AGPAT4: variants seen among roughly 807,000 people sequenced by gnomAD.
The protein encoded by AGPAT4 is 1-acylglycerol-3-phosphate O-acyltransferase 4, also known as 1-acyl-sn-glycerol-3-phosphate acyltransferase delta.
In AGPAT4, 15 loss-of-function variants were observed where a neutral mutation model predicts 48.0. The ratio of observed to expected loss-of-function variants is 0.31; its 90% CI spans 0.21 to 0.48. The LOEUF (loss-of-function observed/expected upper bound fraction) is 0.48. AGPAT4 is among the 20% of genes least tolerant of loss of function. AGPAT4 has a pLI of 0.99. For synonymous variants in AGPAT4, 178 were observed against 198.7 expected (o/e 0.90, Z 0.88); for missense variants, 314 against 482.5 (o/e 0.65, Z 3.27).
chr6:161,262,056 G>A lies in AGPAT4; in HGVS notation c.-90+11882C>T, dbSNP rs769166091. Among the ~76,000 whole-genome samples the A allele has an allele frequency of 1.8e-4, 28 of 152,128 alleles. No homozygotes were observed. The highest frequency in any genetic ancestry group is 4.1e-4 in the South Asian group (2 of 4,826). ...TGCCTGGTACATCATCTTAAATGTC[G>A]CTGTGGTCATCATTATCATCACTGT... On this transcript the variant is annotated intron_variant, in intron 1 of 8. Transcript: ENST00000320285. This position sits in a 1 kb window ranked among gnomAD's most constrained non-coding sequence, Gnocchi z 4.9.
rs1385855886 is a variant in AGPAT4 at position 161,232,202 on chromosome 6, C to T, written c.12G>A (p.Ala4=). The change falls in exon 2 of 9, where the codon GCG becomes GCA. Residue 4 remains alanine, a synonymous_variant. Coordinates refer to ENST00000320285, the MANE Select transcript of AGPAT4 (RefSeq NM_020133.3). The surrounding 1 kb of genome is among the most constrained non-coding windows in gnomAD (Gnocchi z 6.8). MDL[A]GLLKSQFLCH... ...ACAGGAACTGAGACTTCAGCAGTCC[C>T]GCGAGGTCCATGATGCGTGGACGCT... 4 of 1,613,764 alleles carry T rather than the reference C, an allele frequency of 2.5e-6. No individual in the cohort carries two copies. Among genetic ancestry groups the T allele is most frequent in the Admixed American group, 1.7e-5 (1 of 59,994 alleles).
rs1445506974 is a variant in AGPAT4 at position 161,180,344 on chromosome 6, T to A, written c.179-13927A>T. 6.6e-6 allele frequency among the ~76,000 whole-genome samples: 1 copy of A among 152,194 alleles called. No individual in the cohort carries two copies. The highest frequency in any genetic ancestry group is 1.5e-5 in the Non-Finnish European group (1 of 68,038). On this transcript the variant is annotated intron_variant, in intron 2 of 8. Coordinates refer to ENST00000320285, the MANE Select transcript of AGPAT4 (RefSeq NM_020133.3). The surrounding 1 kb of genome is among the most constrained non-coding windows in gnomAD (Gnocchi z 6.4). The stretch of plus-strand genomic sequence containing the variant: ...ACTAAAACAGGGGAGGCAAGGACCC[T>A]GTAGGAAAGACCTCACAATCCAAAC...
chr6:161,177,376 C>G lies in AGPAT4; in HGVS notation c.179-10959G>C, dbSNP rs1010006693. ...TTCTTTCTCTAAACTTCTCTTCTCG[C>G]TTCATTTCATTAATTTGATCTTCAA... On this transcript the variant is annotated intron_variant, in intron 2 of 8. Coordinates refer to ENST00000320285, the MANE Select transcript of AGPAT4 (RefSeq NM_020133.3). The surrounding 1 kb of genome is among the most constrained non-coding windows in gnomAD (Gnocchi z 5.0). Among the ~76,000 whole-genome samples the G allele has an allele frequency of 6.6e-6, 1 of 152,208 alleles. No homozygotes were observed. The highest frequency in any genetic ancestry group is 1.5e-5 in the Non-Finnish European group (1 of 68,046).
chr6:161,205,638 G>A (rs2115014096), intron 2 of AGPAT4, among the ~76,000 whole-genome samples: 1 of 151,692 alleles, frequency 6.6e-6, no homozygotes, highest in East Asian at 1.9e-4. Context: ...ACTTTCAGGG[G>A]GAAAAGCAGT....
chr6:161,174,597 G>T (rs1164236153), intron 2 of AGPAT4, among the ~76,000 whole-genome samples: 1 of 152,132 alleles, frequency 6.6e-6, no homozygotes, highest in African/African-American at 2.4e-5. Flanking sequence ...TGCAAACAGG[G>T]ACAATTTGAC....
chr6:161,203,656 C>T (rs1467077351), intron 2 of AGPAT4, among the ~76,000 whole-genome samples: 1 of 152,082 alleles, frequency 6.6e-6, no homozygotes, highest in Non-Finnish European at 1.5e-5. Flanking sequence ...CCTCAACCTC[C>T]CAAAGTGCTG....
chr6:161,249,353 G>C lies in AGPAT4; in HGVS notation c.-89-17051C>G, dbSNP rs746932965. Among the ~76,000 whole-genome samples, 2 of 152,118 alleles carry C rather than the reference G, an allele frequency of 1.3e-5. No individual in the cohort carries two copies. Among genetic ancestry groups the C allele is most frequent in the Non-Finnish European group, 2.9e-5 (2 of 68,028 alleles). ...ACTAAAGAGCTTCTACACAGCAAAG[G>C]AAACTATCAACTAAGTGAACAGACA... On this transcript the variant is annotated intron_variant, in intron 1 of 8. Coordinates refer to ENST00000320285, the MANE Select transcript of AGPAT4 (RefSeq NM_020133.3). The surrounding 1 kb of genome is among the most constrained non-coding windows in gnomAD (Gnocchi z 6.2).
In AGPAT4 at chr6:161,212,578, G is replaced by C. The variant is rs1781548859; in HGVS notation, c.178+19458C>G. On this transcript the variant is annotated intron_variant, in intron 2 of 8. Coordinates refer to ENST00000320285, the MANE Select transcript of AGPAT4 (RefSeq NM_020133.3). This position sits in a 1 kb window ranked among gnomAD's most constrained non-coding sequence, Gnocchi z 6.1. ...TTGTATTTGTATAAATATGTTATTGGTATGTGTTCCAAAATCAGGGTAAAC... is the reference window on the plus strand; with the variant it reads ...TTGTATTTGTATAAATATGTTATTGCTATGTGTTCCAAAATCAGGGTAAAC... Among the ~76,000 whole-genome samples, 1 of 152,046 alleles carries C rather than the reference G, an allele frequency of 6.6e-6. No individual in the cohort carries two copies. The highest frequency in any genetic ancestry group is 1.5e-5 in the Non-Finnish European group (1 of 68,008).
At chr6:161,185,861 G>C (rs1780753522) in intron 2 of AGPAT4, among the ~76,000 whole-genome samples, 1 of 152,096 alleles carries the variant, frequency 6.6e-6, no homozygotes, top group Non-Finnish European at 1.5e-5. Flanking sequence ...GGTCATGCCT[G>C]GATTTTCTTT....
chr6:161,219,908 CAGGCAGGCGGCAGGCAGGCA>C lies in AGPAT4; in HGVS notation c.178+12108_178+12127del, dbSNP rs1162123440. Among the ~76,000 whole-genome samples the C allele has an allele frequency of 8.0e-6, 1 of 124,766 alleles. No homozygotes were observed. The highest frequency in any genetic ancestry group is 3.1e-5 in the African/African-American group (1 of 32,028). The allele number at this position is 124,766 out of a possible 152,430, so 81.9% of individuals were successfully genotyped here. A position where few individuals can be genotyped will look rare whatever the true frequency, so the allele number is the denominator to read the frequency against. ...GCAGGCAGGCAGGCAGGCAGGCAGGCAGGCAGGCGGCAGGCAGGCAGGCAGGCAGGCAGGCAGGCAGACAG... is the reference window on the plus strand; with the variant it reads ...GCAGGCAGGCAGGCAGGCAGGCAGGCGGCAGGCAGGCAGGCAGGCAGACAG... On this transcript the variant is annotated intron_variant, in intron 2 of 8. Transcript: ENST00000320285. The surrounding 1 kb of genome is among the most constrained non-coding windows in gnomAD (Gnocchi z 4.9).
chr6:161,248,365 G>T (rs1782718606), intron 1 of AGPAT4, among the ~76,000 whole-genome samples: 1 of 152,064 alleles, frequency 6.6e-6, no homozygotes, highest in South Asian at 2.1e-4. Context: ...ATGAGGTCAG[G>T]AGATCGAGAC....
rs1455380041 is a variant in AGPAT4 at position 161,219,897 on chromosome 6, A to AGGC, written c.178+12136_178+12138dup. ...TAGGCAGGCAGGCAGGCAGGCAGGC[A>AGGC]GGCAGGCAGGCAGGCAGGCGGCAGG... On this transcript the variant is annotated intron_variant, in intron 2 of 8. Transcript: ENST00000320285. The surrounding 1 kb of genome is among the most constrained non-coding windows in gnomAD (Gnocchi z 4.9). 3.6e-5 allele frequency among the ~76,000 whole-genome samples: 5 copies of AGGC among 138,290 alleles called. No individual in the cohort carries two copies. Among genetic ancestry groups the AGGC allele is most frequent in the African/African-American group, 1.5e-4 (5 of 32,712 alleles). 90.7% of individuals were successfully genotyped at this position (138,290 alleles called of 152,430 possible). A position where few individuals can be genotyped will look rare whatever the true frequency, so the allele number is the denominator to read the frequency against.
chr6:161,156,892 C>A (rs1779783213), intron 3 of AGPAT4, among the ~76,000 whole-genome samples: 1 of 152,232 alleles, frequency 6.6e-6, no homozygotes, highest in Admixed American at 6.5e-5. Context: ...GTTAACTAGC[C>A]CAACCTATTC....
At chr6:161,211,189 T>C (rs1234958105) in intron 2 of AGPAT4, among the ~76,000 whole-genome samples, 2 of 152,146 alleles carry the variant, frequency 1.3e-5, no homozygotes, top group African/African-American at 4.8e-5. Flanking sequence ...ATAAAATACT[T>C]AGGTAAATGT....
In AGPAT4 at chr6:161,234,521, G is replaced by A. The variant is rs984754554; in HGVS notation, c.-89-2219C>T. ...CCCAGGCTCCCACTGAGGAATAGGC[G>A]TTAAGCTGGCAGCCCCCGCTCAGTG... On this transcript the variant is annotated intron_variant, in intron 1 of 8. Transcript: ENST00000320285. The surrounding 1 kb of genome is among the most constrained non-coding windows in gnomAD (Gnocchi z 4.4). Among the ~76,000 whole-genome samples, 15 of 152,180 alleles carry A rather than the reference G, an allele frequency of 9.9e-5. No individual in the cohort carries two copies. The highest frequency in any genetic ancestry group is 4.1e-4 in the South Asian group (2 of 4,822).
Position 161,243,237 on chromosome 6 carries a change from A to G in AGPAT4, c.-89-10935T>C, listed in dbSNP as rs1317598587. ...AACGACATGGGAGCTGGGGACAGTG[A>G]AGGGGCAGCTCTCCCCTTGGGGTTA... On this transcript the variant is annotated intron_variant, in intron 1 of 8. Transcript: ENST00000320285. The surrounding 1 kb of genome is among the most constrained non-coding windows in gnomAD (Gnocchi z 4.8). Among the ~76,000 whole-genome samples the G allele has an allele frequency of 6.6e-6, 1 of 152,128 alleles. No individual in the cohort carries two copies. The highest frequency in any genetic ancestry group is 2.4e-5 in the African/African-American group (1 of 41,430).
At chr6:161,186,697 A>T (rs6903892) in intron 2 of AGPAT4, among the ~76,000 whole-genome samples, 2 of 151,804 alleles carry the variant, frequency 1.3e-5, no homozygotes, top group African/African-American at 4.8e-5. Flanking sequence ...GCAAGCCCCA[A>T]CTCCAGGCCA....
chr6:161,180,065 A>G lies in AGPAT4; in HGVS notation c.179-13648T>C, dbSNP rs960770390. Among the ~76,000 whole-genome samples, 1 of 152,196 alleles carries G rather than the reference A, an allele frequency of 6.6e-6. No individual in the cohort carries two copies. Among genetic ancestry groups the G allele is most frequent in the Non-Finnish European group, 1.5e-5 (1 of 68,036 alleles). ...TATCCCCAAAGACCTCCTTATTCTCAGCTCCTACTCCTCTCTAAGTAGTCA... is the reference window on the plus strand; with the variant it reads ...TATCCCCAAAGACCTCCTTATTCTCGGCTCCTACTCCTCTCTAAGTAGTCA... On this transcript the variant is annotated intron_variant, in intron 2 of 8. Transcript: ENST00000320285. The surrounding 1 kb of genome is among the most constrained non-coding windows in gnomAD (Gnocchi z 6.4).
In AGPAT4 at chr6:161,180,615, G is replaced by T. The variant is rs1307343306; in HGVS notation, c.179-14198C>A. On this transcript the variant is annotated intron_variant, in intron 2 of 8. Transcript: ENST00000320285. The surrounding 1 kb of genome is among the most constrained non-coding windows in gnomAD (Gnocchi z 6.4). Reference sequence around the variant, plus strand: ...TTAGCTTTTAACTGATAATAATTTAGGTTAAAAATTAAAGCCCTCATCCTC... The same window carrying T: ...TTAGCTTTTAACTGATAATAATTTATGTTAAAAATTAAAGCCCTCATCCTC... Among the ~76,000 whole-genome samples the T allele has an allele frequency of 6.6e-6, 1 of 152,028 alleles. No homozygotes were observed. Among genetic ancestry groups the T allele is most frequent in the Non-Finnish European group, 1.5e-5 (1 of 68,022 alleles).
Sources: allele counts gnomAD v4.1 joint callset (sites outside exome capture counted in the v4.1 genomes callset), GRCh38; gene constraint gnomAD v4.1.1; non-coding constraint Gnocchi (gnomAD v3.1); transcripts MANE v1.5; gene names NCBI Gene and HGNC (gene_info 2026-07-23, HGNC 2026-07-21).